The following CFAP47 variants were observed in gnomAD, a reference collection of about 807,000 sequenced individuals.
The protein encoded by CFAP47 is cilia- and flagella-associated protein 47.
CFAP47 carries 29 observed loss-of-function variants against 148.1 expected under a neutral mutation model. The ratio of observed to expected loss-of-function variants is 0.20; its 90% CI spans 0.15 to 0.27. The LOEUF (loss-of-function observed/expected upper bound fraction) is 0.27, where lower values mean the gene tolerates loss of function less well. CFAP47 is among the 10% of genes least tolerant of loss of function. The pLI is 1.00. For missense variants in CFAP47, 1,872 were observed against 1,697.5 expected (o/e 1.10, Z -1.81); for synonymous variants, 664 against 577.3 (o/e 1.15, Z -2.15).
rs12861913 is a variant in CFAP47, at chrX:36,040,764, A to G, written c.4007+1585A>G. Among the ~76,000 whole-genome samples, 384 of 111,907 alleles carry G rather than the reference A, an allele frequency of 3.4e-3. 2 individuals carry two copies. Among genetic ancestry groups the G allele is most frequent in the Non-Finnish European group, 6.1e-3 (326 of 53,113 alleles). On this transcript the variant is annotated intron_variant, in intron 25 of 63. Coordinates refer to ENST00000378653, the MANE Select transcript of CFAP47 (RefSeq NM_001304548.2). ...AAATACTAGATTCCAAATCTTGAAA[A>G]CATTCACTGAGGATCAGGAGTGTAT...
chrX:36,338,035 ATTTTTTTTTTT>A (rs1209274928), intron 57 of CFAP47, among the ~76,000 whole-genome samples: 65 of 46,570 alleles, frequency 1.4e-3, no homozygotes, highest in African/African-American at 5.1e-3. Flanking sequence ...ACGCCTGGCT[ATTTTTTTTTTT>A]TTTTTTTTTT....
intron 40 of CFAP47, among the ~76,000 whole-genome samples, chrX:36,181,473 T>A (rs1297484789): frequency 1.8e-5 from 2 of 111,941 alleles, no homozygotes; most frequent in Non-Finnish European, 3.8e-5. Context: ...AATTACCAAT[T>A]CAGCATGAAA....
At chrX:36,264,907 A>C (rs2146933213) in intron 49 of CFAP47, among the ~76,000 whole-genome samples, 1 of 112,350 alleles carries the variant, frequency 8.9e-6, no homozygotes, top group African/African-American at 3.2e-5. Flanking sequence ...TTTTGGCTCC[A>C]TATGAATTTT....
chrX:36,372,501 C>G (rs147115128), intron 62 of CFAP47, among the ~76,000 whole-genome samples: 1 of 111,706 alleles, frequency 9.0e-6, no homozygotes, highest in African/African-American at 3.2e-5. Context: ...TCATTTTGCA[C>G]ACATCATAGA....
chrX:36,131,985 A>G (rs1422948085), intron 33 of CFAP47, among the ~76,000 whole-genome samples: 5 of 110,944 alleles, frequency 4.5e-5, no homozygotes, highest in Non-Finnish European at 9.5e-5. Context: ...TGAACAATTG[A>G]ATTGCATGAA....
chrX:36,345,264 C>A (rs192466737), intron 57 of CFAP47, among the ~76,000 whole-genome samples: 18 of 110,766 alleles, frequency 1.6e-4, no homozygotes, highest in African/African-American at 5.9e-4. Flanking sequence ...ATCAGCAGTC[C>A]CCAGTCTCTG....
chrX:35,950,320 G>A (rs1005355774), intron 4 of CFAP47, among the ~76,000 whole-genome samples: 9 of 111,952 alleles, frequency 8.0e-5, no homozygotes, highest in Non-Finnish European at 1.7e-4. Context: ...CATTTGAGAA[G>A]TGAAGTTAAT....
At chrX:36,351,962 ATTCTT>A (rs1941746283) in intron 59 of CFAP47, among the ~76,000 whole-genome samples, 1 of 111,617 alleles carries the variant, frequency 9.0e-6, no homozygotes, top group African/African-American at 3.2e-5. Context: ...AAGTTTATTA[ATTCTT>A]TTCTTTTTTA....
At chrX:35,932,407 C>A (rs1373740923) in intron 2 of CFAP47, among the ~76,000 whole-genome samples, 9 of 105,318 alleles carry the variant, frequency 8.5e-5, no homozygotes, top group Non-Finnish European at 1.9e-5. Flanking sequence ...TTACAAGCAC[C>A]CGCCACCACG....
intron 40 of CFAP47, among the ~76,000 whole-genome samples, chrX:36,187,673 C>CT (rs75859810): frequency 3.6e-5 from 4 of 110,673 alleles, no homozygotes; most frequent in Admixed American, 2.9e-4. Flanking sequence ...AAGGTATTAC[C>CT]TTTTTTTAAA....
chrX:36,211,118 G>C, intron 45 of CFAP47: 1 of 240,687 alleles, frequency 4.2e-6, no homozygotes, highest in Non-Finnish European at 7.7e-6. Flanking sequence ...CTAAACATGG[G>C]CAAAAGAGAC....
chrX:36,028,638 T>C (rs1937247908), intron 22 of CFAP47, among the ~76,000 whole-genome samples: 1 of 111,478 alleles, frequency 9.0e-6, no homozygotes, highest in African/African-American at 3.2e-5. Context: ...TTGCTGTCAT[T>C]ATTTGATCCT....
chrX:36,128,244 G>A (rs1379019228), intron 33 of CFAP47, among the ~76,000 whole-genome samples: 7 of 110,811 alleles, frequency 6.3e-5, no homozygotes, highest in Non-Finnish European at 1.3e-4. Flanking sequence ...TATGTGAATA[G>A]TATCTTACTA....
intron 39 of CFAP47, among the ~76,000 whole-genome samples, chrX:36,167,826 T>C (rs1334939109): frequency 8.9e-6 from 1 of 111,935 alleles, no homozygotes; most frequent in Non-Finnish European, 1.9e-5. Context: ...TTTAGTTTAT[T>C]TTGTTTAAAG....
At chrX:36,354,353 C>G (rs1941768190) in intron 60 of CFAP47, among the ~76,000 whole-genome samples, 1 of 107,723 alleles carries the variant, frequency 9.3e-6, no homozygotes, top group African/African-American at 3.4e-5. Flanking sequence ...TGGTGGCACA[C>G]ACCTGTAATC....
intron 33 of CFAP47, among the ~76,000 whole-genome samples, chrX:36,135,103 A>G (rs1321263809): frequency 1.8e-5 from 2 of 110,716 alleles, no homozygotes; most frequent in Non-Finnish European, 3.8e-5. Context: ...GCCAAGGCGT[A>G]AGAATGATAC....
In CFAP47 at chrX:35,971,694, A is replaced by C; in HGVS notation, c.2079A>C (p.Ala693=). 8.3e-7 allele frequency: 1 copy of C among 1,211,117 alleles called. No homozygotes were observed. The highest frequency in any genetic ancestry group is 1.1e-6 in the Non-Finnish European group (1 of 894,926). ...AAATAGAAGAGGAGCTGTCTTCAGC[A>C]GCAAATTCAATTAGAGCGAATCGAT... The part of the protein sequence containing the change: ...EAEIEEELSS[A]ANSIRANRLL... The change falls in exon 12 of 64, where the codon GCA becomes GCC. Residue 693 remains alanine (A), a synonymous_variant. Coordinates refer to ENST00000378653, the MANE Select transcript of CFAP47 (RefSeq NM_001304548.2).
intron 62 of CFAP47, among the ~76,000 whole-genome samples, chrX:36,372,808 T>G (rs1180128221): frequency 1.8e-5 from 2 of 112,138 alleles, no homozygotes; most frequent in African/African-American, 3.2e-5. Context: ...CCAACATCAT[T>G]TATTGAAGAC....
At chrX:36,243,708 A>T (rs782665525) in intron 48 of CFAP47, among the ~76,000 whole-genome samples, 1 of 98,065 alleles carries the variant, frequency 1.0e-5, no homozygotes, top group Non-Finnish European at 2.1e-5. Context: ...GAGCATCCAG[A>T]TTCATGAAAC....
Sources: allele counts gnomAD v4.1 joint callset (sites outside exome capture counted in the v4.1 genomes callset), GRCh38; gene constraint gnomAD v4.1.1; transcripts MANE v1.5; gene names NCBI Gene and HGNC (gene_info 2026-07-23, HGNC 2026-07-21).